SNCAIP: variants seen among roughly 807,000 people sequenced by gnomAD.
The protein encoded by SNCAIP is synuclein alpha interacting protein.
A neutral mutation model predicts 86.7 loss-of-function variants in SNCAIP; 43 were observed. The observed-to-expected ratio is 0.50, with a 90% CI of 0.39 to 0.64. The LOEUF is 0.64. Ranked by LOEUF, SNCAIP falls within the 30% of genes least tolerant of loss-of-function variation. The pLI is 0.00. For missense variants in SNCAIP, 981 were observed against 1,103.1 expected, an observed-to-expected ratio of 0.89 and a Z score of 1.57; for synonymous variants, 417 against 427.2, an observed-to-expected ratio of 0.98 and a Z score of 0.29.
chr5:122,368,777 C>A (rs1229157564), intron 1 of SNCAIP, among the ~76,000 whole-genome samples: 3 of 152,138 alleles, frequency 2.0e-5, no homozygotes, highest in Non-Finnish European at 4.4e-5. Context: ...ATTGCTCTGG[C>A]CCCAGCCAGC....
At chr5:122,418,044 T>C (rs1775655424) in intron 3 of SNCAIP, among the ~76,000 whole-genome samples, 1 of 152,132 alleles carries the variant, frequency 6.6e-6, no homozygotes, top group Admixed American at 6.5e-5. Context: ...AGTGTAATCT[T>C]GTGAGATGAG....
intron 8 of SNCAIP, among the ~76,000 whole-genome samples, chr5:122,445,808 C>T (rs1782178218): frequency 1.3e-5 from 2 of 150,132 alleles, no homozygotes; most frequent in Admixed American, 6.6e-5. Context: ...ATCCATGCAA[C>T]AATATGACAA....
intron 5 of SNCAIP, among the ~76,000 whole-genome samples, 188 bp from the exon 6 acceptor site, chr5:122,431,781 T>C (rs1778455510): frequency 6.6e-6 from 1 of 152,166 alleles, no homozygotes; most frequent in South Asian, 2.1e-4. Context: ...AATTCTGCAA[T>C]TGATTTCGAG....
At chr5:122,339,249 G>A (rs2152716091) in intron 1 of SNCAIP, among the ~76,000 whole-genome samples, 1 of 152,310 alleles carries the variant, frequency 6.6e-6, no homozygotes, top group South Asian at 2.1e-4. Flanking sequence ...TATGTGGGCT[G>A]CATGTAGCCT....
Position 122,450,528 on chromosome 5 carries a change from T to C in SNCAIP, c.1686-5T>C. 11 of 1,607,528 alleles carry C rather than the reference T, an allele frequency of 6.8e-6. No individual in the cohort carries two copies. Among genetic ancestry groups the C allele is most frequent in the Non-Finnish European group, 9.4e-6 (11 of 1,173,998 alleles). On this transcript the variant is annotated splice_region_variant and splice_polypyrimidine_tract_variant and intron_variant, in intron 9 of 10. Transcript: ENST00000261368. ...CATCTCATATGTCCTTCATCTTCTT[T>C]TTAGTTCACCATCCTCACCTGCCTC...
At chr5:122,418,213 G>C (rs1400005159) in intron 3 of SNCAIP, among the ~76,000 whole-genome samples, 1 of 152,126 alleles carries the variant, frequency 6.6e-6, no homozygotes, top group Non-Finnish European at 1.5e-5. Context: ...GAGATGATAA[G>C]GCAAATTAGA....
At chr5:122,436,076 G>C (rs142957460) in intron 6 of SNCAIP, among the ~76,000 whole-genome samples, 117 of 152,196 alleles carry the variant, frequency 7.7e-4, no homozygotes, top group African/African-American at 2.6e-3. Flanking sequence ...ATGCGCAATT[G>C]TGGATATCCA....
intron 8 of SNCAIP, among the ~76,000 whole-genome samples, chr5:122,448,652 T>TTA (rs1782916761): frequency 1.6e-5 from 2 of 127,026 alleles, no homozygotes; most frequent in Non-Finnish European, 3.3e-5. Flanking sequence ...ATATATATTT[T>TTA]TATATATATT....
At chr5:122,316,587 T>G (rs1442184088) in intron 1 of SNCAIP, among the ~76,000 whole-genome samples, 2 of 151,878 alleles carry the variant, frequency 1.3e-5, no homozygotes, top group South Asian at 4.2e-4. Context: ...GTCCATAGAG[T>G]GTAGATGCAT....
chr5:122,395,607 A>G (rs1361366634), intron 2 of SNCAIP, among the ~76,000 whole-genome samples: 2 of 152,168 alleles, frequency 1.3e-5, no homozygotes, highest in Non-Finnish European at 2.9e-5. Context: ...TCTCACTTTC[A>G]GTGAGTTTTC....
intron 5 of SNCAIP, among the ~76,000 whole-genome samples, chr5:122,426,515 G>C (rs1370306066): frequency 6.6e-6 from 1 of 152,032 alleles, no homozygotes; most frequent in Non-Finnish European, 1.5e-5. Context: ...ATTCAGCAAA[G>C]TTTTATACAT....
At chr5:122,336,646 A>C (rs973684567) in intron 1 of SNCAIP, 1 of 152,476 alleles carries the variant, frequency 6.6e-6, no homozygotes, top group Non-Finnish European at 1.5e-5. Context: ...TGTCACCCAG[A>C]CTGGAGTGCA....
At chr5:122,405,229 A>T (rs1460322019) in intron 3 of SNCAIP, among the ~76,000 whole-genome samples, 1 of 152,198 alleles carries the variant, frequency 6.6e-6, no homozygotes, top group Non-Finnish European at 1.5e-5. Context: ...TGAATCTGTG[A>T]CTAGTTATCT....
chr5:122,427,533 A>G (rs1777609251), intron 5 of SNCAIP, among the ~76,000 whole-genome samples: 1 of 152,152 alleles, frequency 6.6e-6, no homozygotes, highest in Non-Finnish European at 1.5e-5. Context: ...AGTAAATACA[A>G]ATATTTTATA....
intron 1 of SNCAIP, among the ~76,000 whole-genome samples, chr5:122,332,479 A>C (rs561410832): frequency 2.0e-5 from 3 of 152,244 alleles, no homozygotes; most frequent in Non-Finnish European, 4.4e-5. Context: ...ATACAGGTGA[A>C]GGCGGGCATA....
chr5:122,342,282 G>A (rs1453192508), intron 1 of SNCAIP, among the ~76,000 whole-genome samples: 1 of 152,080 alleles, frequency 6.6e-6, no homozygotes, highest in Non-Finnish European at 1.5e-5. Context: ...TGAGCAGTTT[G>A]GGGAATGGAA....
intron 1 of SNCAIP, among the ~76,000 whole-genome samples, chr5:122,326,358 C>A (rs1334775989): frequency 1.3e-5 from 2 of 152,140 alleles, no homozygotes; most frequent in Non-Finnish European, 2.9e-5. Flanking sequence ...TATTTAGAGT[C>A]ATCTCATCTG....
chr5:122,331,423 T>A (rs1484356584), intron 1 of SNCAIP, among the ~76,000 whole-genome samples: 2 of 152,218 alleles, frequency 1.3e-5, no homozygotes, highest in Non-Finnish European at 2.9e-5. Flanking sequence ...ATAATTAGTC[T>A]CTACATATTT....
intron 1 of SNCAIP, chr5:122,336,869 C>G (rs903420586): frequency 4.6e-5 from 7 of 152,402 alleles, no homozygotes; most frequent in African/African-American, 1.4e-4. Flanking sequence ...TCCCAAAGTG[C>G]TGGGATTACA....
Sources: gnomAD v4.1 joint callset for allele counts (sites outside exome capture counted in the v4.1 genomes callset) on GRCh38, gnomAD v4.1.1 for gene constraint, MANE v1.5 for transcripts, NCBI Gene and HGNC (gene_info 2026-07-23, HGNC 2026-07-21) for gene names.